Variants in SLCO6A1 observed in about 807,000 individuals in gnomAD.
SLCO6A1 encodes solute carrier organic anion transporter family member 6A1.
In SLCO6A1, 65 loss-of-function variants were observed where a neutral mutation model predicts 72.7. The observed-to-expected ratio is 0.89, with a 90% confidence interval of 0.73 to 1.10. SLCO6A1 has a LOEUF of 1.10. Ranked by LOEUF, SLCO6A1 falls within the 50% of genes least tolerant of loss-of-function variation. SLCO6A1 has a pLI of 0.00. For synonymous variants in SLCO6A1, 314 were observed against 298.2 expected (o/e 1.05, Z -0.55); for missense variants, 874 against 872.6 (o/e 1.00, Z -0.02).
chr5:102,493,914 T>C (rs1304808697), intron 1 of SLCO6A1, among the ~76,000 whole-genome samples: 1 of 152,172 alleles, frequency 6.6e-6, no homozygotes, highest in Non-Finnish European at 1.5e-5. Context: ...AAAATCTTAG[T>C]AACTTTTTTA....
rs768501310 is a variant in SLCO6A1, at chr5:102,373,430, A to T, written c.2082T>A (p.Arg694=). ...CTGGGAAGTCAGTGTTCTCATTTAG[A>T]CGACGTTTGTATATGAAAAATGCAA... ...TTIAFFIYKR[R]LNENTDFPDV... The change falls in exon 13 of 14, where the codon CGT becomes CGA. Residue 694 remains arginine (R), a synonymous_variant. Coordinates refer to ENST00000506729, the MANE Select transcript of SLCO6A1 (RefSeq NM_173488.5). The T allele has an allele frequency of 6.3e-7, 1 of 1,579,684 alleles. No individual in the cohort carries two copies. Among genetic ancestry groups the T allele is most frequent in the South Asian group, 1.2e-5 (1 of 83,494 alleles).
chr5:102,475,632 C>A, intron 4 of SLCO6A1, 65 bp downstream of exon 4: 1 of 1,000,180 alleles, frequency 1.0e-6, no homozygotes, highest in Non-Finnish European at 1.5e-6. Context: ...TACTTGTAAG[C>A]TATGGTAGCT....
chr5:102,468,032 C>A (rs1275724297), intron 4 of SLCO6A1, among the ~76,000 whole-genome samples: 1 of 152,008 alleles, frequency 6.6e-6, no homozygotes, highest in Non-Finnish European at 1.5e-5. Context: ...AGGTTTGTGT[C>A]ACTATCATCG....
At chr5:102,485,832 G>T (rs183634462) in intron 1 of SLCO6A1, among the ~76,000 whole-genome samples, 19 of 152,204 alleles carry the variant, frequency 1.2e-4, no homozygotes, top group Admixed American at 1.1e-3. Flanking sequence ...GGTCTTAGGG[G>T]CTTCTAATAC....
In SLCO6A1 at chr5:102,498,788, T is replaced by TA. The variant is rs1484682104; in HGVS notation, c.56dup (p.Glu20ArgfsTer12). On this transcript the variant is annotated frameshift_variant, in exon 1 of 14. Coordinates refer to ENST00000506729, the MANE Select transcript of SLCO6A1 (RefSeq NM_173488.5). LOFTEE classifies it high-confidence loss of function. ...GGGCCCGCGCGGCCTCCAGCGGCTC[T>TA]ACTCCCCTTGAGACTTCATCCTGGC... 1 of 1,613,864 alleles carries TA rather than the reference T, an allele frequency of 6.2e-7. No homozygotes were observed. Among genetic ancestry groups the TA allele is most frequent in the African/African-American group, 1.3e-5 (1 of 74,930 alleles).
intron 1 of SLCO6A1, among the ~76,000 whole-genome samples, chr5:102,487,175 T>C (rs1434802634): frequency 6.6e-6 from 1 of 152,184 alleles, no homozygotes; most frequent in East Asian, 1.9e-4. Flanking sequence ...TAAATAAGCC[T>C]TTTGCAGCTG....
chr5:102,378,720 C>A (rs909300939), intron 12 of SLCO6A1, among the ~76,000 whole-genome samples: 4 of 152,044 alleles, frequency 2.6e-5, no homozygotes, highest in Non-Finnish European at 5.9e-5. Context: ...CATTGTTGTA[C>A]AAAATGCCAT....
At chr5:102,433,823 C>A (rs1749352580) in intron 7 of SLCO6A1, among the ~76,000 whole-genome samples, 1 of 152,018 alleles carries the variant, frequency 6.6e-6, no homozygotes, top group Admixed American at 6.5e-5. Context: ...GGGGTGCTAG[C>A]CTCCATGGGG....
intron 6 of SLCO6A1, among the ~76,000 whole-genome samples, chr5:102,456,644 G>C (rs1214035975): frequency 6.6e-6 from 1 of 152,126 alleles, no homozygotes; most frequent in Non-Finnish European, 1.5e-5. Flanking sequence ...TCATGGGTAG[G>C]AAGAATCAAT....
intron 4 of SLCO6A1, among the ~76,000 whole-genome samples, chr5:102,471,205 G>A (rs1016274416): frequency 6.6e-6 from 1 of 152,022 alleles, no homozygotes; most frequent in East Asian, 1.9e-4. Context: ...ACCTTCCAAA[G>A]TAAATACCTT....
chr5:102,450,465 G>GTGGGCTCT (rs1300823423), intron 6 of SLCO6A1, among the ~76,000 whole-genome samples: 12 of 152,208 alleles, frequency 7.9e-5, no homozygotes, highest in African/African-American at 2.9e-4. Flanking sequence ...TGGCCAGTAG[G>GTGGGCTCT]TGGGCTCTTG....
chr5:102,484,730 A>G (rs1440496863), intron 1 of SLCO6A1, among the ~76,000 whole-genome samples: 1 of 152,212 alleles, frequency 6.6e-6, no homozygotes, highest in African/African-American at 2.4e-5. Context: ...GTTTACTTAA[A>G]ACATTTCCAA....
In SLCO6A1 at chr5:102,420,037, A is replaced by G; in HGVS notation, c.1277-16T>C. Reference sequence around the variant, plus strand: ...AAAACAAGTCCTAAAAAAAAGGAGGAGAAAAACACAGTTAAAAATAATCAG... The same window carrying G: ...AAAACAAGTCCTAAAAAAAAGGAGGGGAAAAACACAGTTAAAAATAATCAG... On this transcript the variant is annotated splice_polypyrimidine_tract_variant and intron_variant, in intron 7 of 13. Coordinates refer to ENST00000506729, the MANE Select transcript of SLCO6A1 (RefSeq NM_173488.5). 1 of 1,549,642 alleles carries G rather than the reference A, an allele frequency of 6.5e-7. No individual in the cohort carries two copies. The highest frequency in any genetic ancestry group is 8.6e-7 in the Non-Finnish European group (1 of 1,156,366).
At chr5:102,488,147 G>A (rs1752522820) in intron 1 of SLCO6A1, among the ~76,000 whole-genome samples, 1 of 151,552 alleles carries the variant, frequency 6.6e-6, no homozygotes, top group African/African-American at 2.4e-5. Flanking sequence ...ACAAAGTAAG[G>A]GAAAATTTTA....
chr5:102,392,348 C>T (rs1052632156), intron 10 of SLCO6A1, among the ~76,000 whole-genome samples: 1 of 151,832 alleles, frequency 6.6e-6, no homozygotes, highest in Non-Finnish European at 1.5e-5. Context: ...TAAAAAGTCA[C>T]GTTTTAGAAT....
chr5:102,466,608 C>T (rs1405996711), intron 4 of SLCO6A1, among the ~76,000 whole-genome samples: 1 of 152,016 alleles, frequency 6.6e-6, no homozygotes, highest in Non-Finnish European at 1.5e-5. Context: ...CACTGTCTTC[C>T]ACAATGGTTG....
intron 1 of SLCO6A1, among the ~76,000 whole-genome samples, chr5:102,484,385 C>G (rs1204958040): frequency 6.6e-6 from 1 of 152,172 alleles, no homozygotes. Context: ...TGCAGTGGCT[C>G]ACACCTGTAA....
intron 4 of SLCO6A1, among the ~76,000 whole-genome samples, chr5:102,464,261 T>C (rs1041619846): frequency 2.0e-5 from 3 of 152,146 alleles, no homozygotes; most frequent in African/African-American, 4.8e-5. Flanking sequence ...TATTGACATA[T>C]TTGATGATAA....
intron 4 of SLCO6A1, among the ~76,000 whole-genome samples, chr5:102,462,297 A>G (rs1393117998): frequency 2.0e-5 from 3 of 152,202 alleles, no homozygotes; most frequent in Admixed American, 6.5e-5. Flanking sequence ...ATATTGTGAA[A>G]ATGACCATAC....
Sources: allele counts gnomAD v4.1 joint callset (sites outside exome capture counted in the v4.1 genomes callset), GRCh38; gene constraint gnomAD v4.1.1; transcripts MANE v1.5; gene names NCBI Gene and HGNC (gene_info 2026-07-23, HGNC 2026-07-21).